KIAA1549: variants seen among roughly 807,000 people sequenced by gnomAD.
KIAA1549 encodes the protein UPF0606 protein KIAA1549.
KIAA1549 carries 70 observed loss-of-function variants against 156.4 expected under a neutral mutation model. The ratio of observed to expected loss-of-function variants is 0.45; its 90% CI spans 0.37 to 0.55. The LOEUF (loss-of-function observed/expected upper bound fraction) is 0.55, where lower values mean the gene tolerates loss of function less well. Ranked by LOEUF, KIAA1549 falls within the 20% of genes least tolerant of loss-of-function variation. KIAA1549 has a pLI of 0.00. For missense variants in KIAA1549, 2,428 were observed against 2,540.9 expected (o/e 0.96, Z 0.96); for synonymous variants, 1,103 against 1,066.4 (o/e 1.03, Z -0.67).
At chr7:138,962,416 C>T (rs923205466) in intron 1 of KIAA1549, among the ~76,000 whole-genome samples, 2 of 152,310 alleles carry the variant, frequency 1.3e-5, no homozygotes, top group East Asian at 1.9e-4. Context: ...TTTCCTCCTG[C>T]CCCTTGTGGA....
rs767396162 is a variant in KIAA1549 at position 138,918,290 on chromosome 7, C to T, written c.1336G>A (p.Asp446Asn). ...SLMEKDVGSG[D>N]GAETLCMTVL... ...GTCATGCACAGAGTCTCGGCACCAT[C>T]CCCTGATCCCACGTCTTTCTCCATG... The change falls in exon 2 of 20, where the codon GAT becomes AAT. Residue 446 changes from aspartate to asparagine, a missense_variant. This residue lies in a region of KIAA1549 where 893 missense variants were observed against 847.9 expected (regional missense o/e 1.05). Coordinates refer to ENST00000422774, the MANE Select transcript of KIAA1549 (RefSeq NM_001164665.2). This position sits in a 1 kb window ranked among gnomAD's most constrained non-coding sequence, Gnocchi z 4.2. 2 of 1,614,034 alleles carry T rather than the reference C, an allele frequency of 1.2e-6. No individual in the cohort carries two copies. The highest frequency in any genetic ancestry group is 1.7e-5 in the Admixed American group (1 of 60,030).
intron 11 of KIAA1549, among the ~76,000 whole-genome samples, chr7:138,881,009 G>A (rs914624415): frequency 3.9e-5 from 6 of 152,230 alleles, no homozygotes; most frequent in African/African-American, 1.2e-4. Context: ...CAGGCTGAGC[G>A]TGTACCATGT....
rs1221915922 is a variant in KIAA1549 at position 138,844,322 on chromosome 7, G to A, written c.5447C>T (p.Thr1816Ile). ...AGCTAAACAGCCACATATACCTGTG[G>A]TACCCCCGACAGGCCGAGGCCGGGC... Reference protein sequence around the residue: ...SVARPRPVGGTTGSQIQHLTQ... With the variant: ...SVARPRPVGGITGSQIQHLTQ... The change falls in exon 18 of 20, where the codon ACC becomes ATC. Residue 1816 changes from threonine to isoleucine, a missense_variant. By Grantham distance (89) the Thr-to-Ile change is moderately conservative (BLOSUM62 -1). Coordinates refer to ENST00000422774, the MANE Select transcript of KIAA1549 (RefSeq NM_001164665.2). 6.2e-7 allele frequency: 1 copy of A among 1,613,934 alleles called. No individual in the cohort carries two copies. The highest frequency in any genetic ancestry group is 1.7e-5 in the Admixed American group (1 of 60,030).
chr7:138,970,102 T>C (rs1009398334), intron 1 of KIAA1549, among the ~76,000 whole-genome samples: 1 of 152,204 alleles, frequency 6.6e-6, no homozygotes, highest in African/African-American at 2.4e-5. Flanking sequence ...AATTTTCCTT[T>C]CCTATATAAA....
rs748242035 is a variant in KIAA1549 at position 138,844,323 on chromosome 7, T to C, written c.5446A>G (p.Thr1816Ala). 2 of 1,613,814 alleles carry C rather than the reference T, an allele frequency of 1.2e-6. No homozygotes were observed. The highest frequency in any genetic ancestry group is 2.7e-5 in the African/African-American group (2 of 74,936). Reference sequence around the variant, plus strand: ...GCTAAACAGCCACATATACCTGTGGTACCCCCGACAGGCCGAGGCCGGGCC... The same window carrying C: ...GCTAAACAGCCACATATACCTGTGGCACCCCCGACAGGCCGAGGCCGGGCC... ...SVARPRPVGG[T>A]TGSQIQHLTQ... The change falls in exon 18 of 20, where the codon ACC (threonine) becomes GCC (alanine). Residue 1816 changes from threonine (T) to alanine (A), a missense_variant. Thr to Ala is a moderately conservative substitution (Grantham distance 58). This residue lies in a region of KIAA1549 where 363 missense variants were observed against 354.0 expected (regional missense o/e 1.03). Coordinates refer to ENST00000422774, the MANE Select transcript of KIAA1549 (RefSeq NM_001164665.2).
At chr7:138,958,915 T>C (rs908348220) in intron 1 of KIAA1549, among the ~76,000 whole-genome samples, 1 of 152,192 alleles carries the variant, frequency 6.6e-6, no homozygotes, top group African/African-American at 2.4e-5. Context: ...TTGTTTCGTT[T>C]TTGAGATAGA....
At chr7:138,855,785 T>C (rs1438367149) in intron 16 of KIAA1549, among the ~76,000 whole-genome samples, 3 of 152,126 alleles carry the variant, frequency 2.0e-5, no homozygotes, top group Non-Finnish European at 4.4e-5. Context: ...TGTTGTCTCA[T>C]TCTCCATAAT....
At chr7:138,866,586 G>C (rs189007990) in intron 15 of KIAA1549, among the ~76,000 whole-genome samples, 1 of 152,268 alleles carries the variant, frequency 6.6e-6, no homozygotes, top group East Asian at 1.9e-4. Flanking sequence ...AGTTTAGGAC[G>C]CCCTGTGTTT....
chr7:138,927,392 G>C (rs1812750527), intron 1 of KIAA1549, among the ~76,000 whole-genome samples: 1 of 152,232 alleles, frequency 6.6e-6, no homozygotes, highest in Non-Finnish European at 1.5e-5. Context: ...TATAATCCCA[G>C]CACTTTGGGA....
intron 9 of KIAA1549, among the ~76,000 whole-genome samples, chr7:138,896,323 G>A (rs1342297758): frequency 6.6e-6 from 1 of 152,124 alleles, no homozygotes; most frequent in African/African-American, 2.4e-5. Flanking sequence ...TTAACTTTGG[G>A]TTTAGACACC....
chr7:138,934,064 G>A (rs554053523), intron 1 of KIAA1549, among the ~76,000 whole-genome samples: 7 of 152,238 alleles, frequency 4.6e-5, no homozygotes, highest in East Asian at 3.9e-4. Flanking sequence ...TGTTGTTGTC[G>A]TCGTTCTTAC....
intron 9 of KIAA1549, among the ~76,000 whole-genome samples, chr7:138,897,994 A>C (rs771282098): frequency 4.6e-5 from 7 of 150,560 alleles, no homozygotes; most frequent in Non-Finnish European, 1.0e-4. Context: ...CTTTTTCTTC[A>C]ATTTTAAATA....
chr7:138,943,741 C>A (rs933241880), intron 1 of KIAA1549, among the ~76,000 whole-genome samples: 7 of 151,780 alleles, frequency 4.6e-5, no homozygotes, highest in African/African-American at 1.5e-4. Context: ...CCCAGCTACT[C>A]GGGAGGCTGA....
At chr7:138,869,825 C>A in intron 13 of KIAA1549, 64 bp from the exon 14 acceptor site, 2 of 1,066,944 alleles carry the variant, frequency 1.9e-6, no homozygotes, top group East Asian at 5.1e-5. Context: ...GGGACACACA[C>A]TTCGCAAAGT....
At chr7:138,969,897 G>A (rs1584792598) in intron 1 of KIAA1549, among the ~76,000 whole-genome samples, 1 of 152,264 alleles carries the variant, frequency 6.6e-6, no homozygotes, top group Non-Finnish European at 1.5e-5. Context: ...CTTTGATACA[G>A]GTACGTAATG....
At chr7:138,943,437 TATTTA>T (rs1813243122) in intron 1 of KIAA1549, among the ~76,000 whole-genome samples, 1 of 152,256 alleles carries the variant, frequency 6.6e-6, no homozygotes, top group South Asian at 2.1e-4. Context: ...TTTCACAAAT[TATTTA>T]TTTCCCTTAT....
intron 19 of KIAA1549, among the ~76,000 whole-genome samples, chr7:138,838,616 G>C (rs1397563061): frequency 6.6e-6 from 1 of 152,186 alleles, no homozygotes; most frequent in Non-Finnish European, 1.5e-5. Context: ...TTGCCGCATA[G>C]AGATTAATTT....
intron 1 of KIAA1549, among the ~76,000 whole-genome samples, chr7:138,952,769 A>T (rs1041472873): frequency 6.6e-6 from 1 of 152,218 alleles, no homozygotes; most frequent in South Asian, 2.1e-4. Context: ...GATCCTGAGG[A>T]GGTGTTCTAT....
At chr7:138,968,197 G>A (rs1330912165) in intron 1 of KIAA1549, among the ~76,000 whole-genome samples, 1 of 152,186 alleles carries the variant, frequency 6.6e-6, no homozygotes, top group Non-Finnish European at 1.5e-5. Context: ...GGTAGGTGGG[G>A]TGGGAGGAGG....
Sources: gnomAD v4.1 joint callset for allele counts (sites outside exome capture counted in the v4.1 genomes callset) on GRCh38, gnomAD v4.1.1 for gene constraint, gnomAD v4.1.1 regional missense constraint, Gnocchi (gnomAD v3.1) non-coding constraint, MANE v1.5 for transcripts, NCBI Gene and HGNC (gene_info 2026-07-23, HGNC 2026-07-21) for gene names.